PSMD14: variants seen among roughly 807,000 people sequenced by gnomAD.
PSMD14 encodes the protein proteasome 26S subunit, non-ATPase 14.
Under a neutral mutation model 41.2 loss-of-function variants are expected in PSMD14, and 7 were observed. The ratio of observed to expected loss-of-function variants is 0.17; its 90% CI spans 0.10 to 0.32. The LOEUF is 0.32. PSMD14 is among the 10% of genes least tolerant of loss of function. The pLI, the probability that PSMD14 is intolerant of heterozygous loss-of-function variation, is 1.00. For missense variants in PSMD14, 139 were observed against 375.6 expected (o/e 0.37, Z 5.21); for synonymous variants, 114 against 122.3 (o/e 0.93, Z 0.45).
At chr2:161,390,385 C>T (rs1490228907) in intron 8 of PSMD14, among the ~76,000 whole-genome samples, 5 of 152,126 alleles carry the variant, frequency 3.3e-5, no homozygotes, top group Non-Finnish European at 5.9e-5. Flanking sequence ...TGTTGAACCT[C>T]ATTTGAACAC....
At chr2:161,322,394 A>G (rs983137743) in intron 3 of PSMD14, among the ~76,000 whole-genome samples, 11 of 151,968 alleles carry the variant, frequency 7.2e-5, no homozygotes, top group South Asian at 4.2e-4. Flanking sequence ...TGTTATTGTT[A>G]TTATTATTAT....
chr2:161,386,519 A>G lies in PSMD14; in HGVS notation c.570+948A>G, dbSNP rs57629301. On this transcript the variant is annotated intron_variant, in intron 8 of 11. Transcript: ENST00000409682. ...AGTCACTCATCTGTAATCTTCATCA[A>G]AGTGAAGTGTTTTGTTTTAAAGGAT... 1.4e-3 allele frequency among the ~76,000 whole-genome samples: 209 copies of G among 151,878 alleles called. 1 individual carries two copies. Among genetic ancestry groups the G allele is most frequent in the African/African-American group, 4.8e-3 (199 of 41,498 alleles).
chr2:161,309,494 T>G (rs1403691249), intron 1 of PSMD14, among the ~76,000 whole-genome samples: 1 of 152,196 alleles, frequency 6.6e-6, no homozygotes, highest in East Asian at 1.9e-4. Flanking sequence ...TGACTTAATG[T>G]GTTTGAGAAA....
chr2:161,345,222 C>T (rs1331391853), intron 3 of PSMD14, among the ~76,000 whole-genome samples: 1 of 140,274 alleles, frequency 7.1e-6, no homozygotes, highest in African/African-American at 2.6e-5. Context: ...ATTCTGTTCT[C>T]TTGATCTCTG....
chr2:161,320,968 C>T (rs1682571801), intron 3 of PSMD14, among the ~76,000 whole-genome samples: 1 of 152,190 alleles, frequency 6.6e-6, no homozygotes. Flanking sequence ...TCAAGTGATC[C>T]ACCTGCCTCG....
chr2:161,393,205 G>A (rs898258973), intron 9 of PSMD14, among the ~76,000 whole-genome samples: 2 of 152,092 alleles, frequency 1.3e-5, no homozygotes, highest in African/African-American at 4.8e-5. Flanking sequence ...AACTGTCTTT[G>A]TTTGCTTTTG....
intron 5 of PSMD14, 81 bp downstream of exon 5, chr2:161,367,984 A>C (rs2303318): frequency 0.12 from 169,981 of 1,417,160 alleles, 12,065 homozygotes; most frequent in East Asian, 0.26. Context: ...AACTCTCATC[A>C]TATTACATTT....
chr2:161,355,882 A>G (rs887249433), intron 3 of PSMD14, among the ~76,000 whole-genome samples: 2 of 152,208 alleles, frequency 1.3e-5, no homozygotes, highest in African/African-American at 4.8e-5. Context: ...GTTCTGAGCT[A>G]TTTCTAAACA....
At chr2:161,367,984 A>G (rs2303318) in intron 5 of PSMD14, 81 bp downstream of exon 5, 11 of 1,417,906 alleles carry the variant, frequency 7.8e-6, no homozygotes, top group Non-Finnish European at 1.0e-5. Context: ...AACTCTCATC[A>G]TATTACATTT....
At chr2:161,315,289 T>G (rs1689134583) in intron 1 of PSMD14, among the ~76,000 whole-genome samples, 1 of 152,236 alleles carries the variant, frequency 6.6e-6, no homozygotes, top group African/African-American at 2.4e-5. Context: ...GTCCTGAATA[T>G]CAGTAGTACT....
intron 3 of PSMD14, among the ~76,000 whole-genome samples, chr2:161,347,023 G>C (rs1683054512): frequency 6.6e-6 from 1 of 152,104 alleles, no homozygotes. Context: ...TTTGGTCTCA[G>C]TAATCTCAGC....
chr2:161,316,965 A>G lies in PSMD14; in HGVS notation c.-5+396A>G, dbSNP rs115971339. 6.8e-3 allele frequency among the ~76,000 whole-genome samples: 1,029 copies of G among 152,294 alleles called. 19 individuals carry two copies. The highest frequency in any genetic ancestry group is 0.024 in the African/African-American group (1,000 of 41,564). On this transcript the variant is annotated intron_variant, in intron 2 of 11. Coordinates refer to ENST00000409682, the MANE Select transcript of PSMD14 (RefSeq NM_005805.6). The stretch of plus-strand genomic sequence containing the variant: ...ATAGATAAACTGAACACAGCTGGGA[A>G]TCAGTTTTGGCCTAGAATATATATA...
chr2:161,371,432 G>A, intron 7 of PSMD14, 110 bp downstream of exon 7: 1 of 1,153,942 alleles, frequency 8.7e-7, no homozygotes, highest in East Asian at 2.6e-5. Context: ...ACAGAAAGCT[G>A]CTGTCTGTTT....
chr2:161,354,785 T>A lies in PSMD14; in HGVS notation c.49-12693T>A, dbSNP rs201537941. ...AATGTCATAGTTAGGCATTGTGCAC[T>A]GGGCTGCCAGCCCCTATGTTACTTT... On this transcript the variant is annotated intron_variant, in intron 3 of 11. Coordinates refer to ENST00000409682, the MANE Select transcript of PSMD14 (RefSeq NM_005805.6). Among the ~76,000 whole-genome samples the A allele has an allele frequency of 2.0e-5, 3 of 152,356 alleles. No homozygotes were observed. In the East Asian group the frequency reaches 5.8e-4, roughly 29 times the overall value.
chr2:161,365,854 A>G (rs1368413387), intron 3 of PSMD14, among the ~76,000 whole-genome samples: 1 of 152,148 alleles, frequency 6.6e-6, no homozygotes, highest in Non-Finnish European at 1.5e-5. Flanking sequence ...TATTAACTGT[A>G]GTCACCAGGC....
intron 3 of PSMD14, among the ~76,000 whole-genome samples, chr2:161,351,333 C>A (rs1683115064): frequency 6.6e-6 from 1 of 152,140 alleles, no homozygotes; most frequent in African/African-American, 2.4e-5. Flanking sequence ...CAGAATGGCC[C>A]CTTTGGCCCT....
In PSMD14 at chr2:161,338,240, C is replaced by T. The variant is rs114785989; in HGVS notation, c.48+19367C>T. Reference sequence around the variant, plus strand: ...GAACTATATTTAGAGCTATAAATTACGAGAAATGAAGTTCTGAAACTGCGT... The same window carrying T: ...GAACTATATTTAGAGCTATAAATTATGAGAAATGAAGTTCTGAAACTGCGT... On this transcript the variant is annotated intron_variant, in intron 3 of 11. Transcript: ENST00000409682. Among the ~76,000 whole-genome samples the T allele has an allele frequency of 5.2e-3, 794 of 152,000 alleles. 7 individuals carry two copies. The highest frequency in any genetic ancestry group is 9.3e-3 in the Non-Finnish European group (633 of 67,990).
chr2:161,367,517 C>A lies in PSMD14; in HGVS notation c.88C>A (p.Gln30Lys). The change falls in exon 4 of 12, where the codon CAA (glutamine) becomes AAA (lysine). Residue 30 changes from glutamine to lysine, a missense_variant. Gln to Lys is a moderately conservative substitution (Grantham distance 53). This residue lies in a region of PSMD14 where 24 missense variants were observed against 55.3 expected (regional missense o/e 0.43). Coordinates refer to ENST00000409682, the MANE Select transcript of PSMD14 (RefSeq NM_005805.6). ...TGCTCCTGCAGTGGACACAGCAGAA[C>A]AAGTCTATATCTCTTCCCTGGCACT... ...TDAPAVDTAE[Q>K]VYISSLALLK... The A allele has an allele frequency of 6.2e-7, 1 of 1,602,620 alleles. No individual in the cohort carries two copies. The highest frequency in any genetic ancestry group is 8.5e-7 in the Non-Finnish European group (1 of 1,174,004).
intron 3 of PSMD14, among the ~76,000 whole-genome samples, chr2:161,346,021 A>G (rs1038188214): frequency 3.5e-4 from 54 of 152,218 alleles, no homozygotes; most frequent in African/African-American, 1.3e-3. Context: ...TCTCCCGACT[A>G]CAGTCATGTG....
Sources: allele counts gnomAD v4.1 joint callset (sites outside exome capture counted in the v4.1 genomes callset), GRCh38; gene constraint gnomAD v4.1.1; regional missense constraint gnomAD v4.1.1; transcripts MANE v1.5; gene names NCBI Gene and HGNC (gene_info 2026-07-23, HGNC 2026-07-21).